DLG2: variants seen among roughly 807,000 people sequenced by gnomAD.
DLG2 encodes the protein disks large homolog 2.
In DLG2, 45 loss-of-function variants were observed where a neutral mutation model predicts 132.5. That is an observed-to-expected ratio of 0.34 (90% CI 0.27 to 0.44). The LOEUF is 0.44. Among genes scored for constraint, DLG2 ranks in the 20% least tolerant of loss-of-function variants. The probability of loss-of-function intolerance (pLI) is 1.00; values close to 1 mark genes in which losing one functional copy is unlikely to be tolerated. For missense variants in DLG2, 1,045 were observed against 1,196.9 expected (o/e 0.87, Z 1.87); for synonymous variants, 424 against 419.6 (o/e 1.01, Z -0.13).
At chr11:83,680,465 G>A (rs1008838688) in intron 18 of DLG2, among the ~76,000 whole-genome samples, 1 of 152,106 alleles carries the variant, frequency 6.6e-6, no homozygotes, top group African/African-American at 2.4e-5. Flanking sequence ...ATGTTCATTT[G>A]TATCTGTGAT....
rs1597682354 is a variant in DLG2, at chr11:84,769,570, G to T, written c.358-234839C>A. ...AAACATATTTCAGGAAATAATTCAA[G>T]AAAATTTCACTGATCTTGCTAGAGA... On this transcript the variant is annotated intron_variant, in intron 6 of 27. Coordinates refer to ENST00000376104, the MANE Select transcript of DLG2 (RefSeq NM_001142699.3). Among the ~76,000 whole-genome samples the T allele has an allele frequency of 2.0e-5, 3 of 152,244 alleles. No individual in the cohort carries two copies. In the East Asian group the frequency reaches 5.8e-4, roughly 29 times the overall value.
At chr11:84,000,178 C>T (rs1185657839) in intron 11 of DLG2, among the ~76,000 whole-genome samples, 1 of 151,920 alleles carries the variant, frequency 6.6e-6, no homozygotes, top group African/African-American at 2.4e-5. Flanking sequence ...AGATATCATA[C>T]AAAAGAACCA....
intron 6 of DLG2, among the ~76,000 whole-genome samples, chr11:84,872,728 A>G (rs1024267053): frequency 6.6e-6 from 1 of 152,242 alleles, no homozygotes; most frequent in Non-Finnish European, 1.5e-5. Flanking sequence ...TCACATTTTT[A>G]AACAGTCTTA....
intron 3 of DLG2, among the ~76,000 whole-genome samples, chr11:85,402,370 C>A (rs989962310): frequency 2.6e-5 from 4 of 152,162 alleles, no homozygotes; most frequent in African/African-American, 7.2e-5. Flanking sequence ...AAATGTAAGA[C>A]CTAACACCAT....
intron 21 of DLG2, among the ~76,000 whole-genome samples, chr11:83,503,281 C>T (rs2139251669): frequency 6.7e-6 from 1 of 148,988 alleles, no homozygotes; most frequent in Admixed American, 6.8e-5. Flanking sequence ...TTAAGCAGAG[C>T]TCTTGACTGT....
At chr11:85,009,486 T>C (rs1592624523) in intron 6 of DLG2, among the ~76,000 whole-genome samples, 1 of 152,232 alleles carries the variant, frequency 6.6e-6, no homozygotes, top group Admixed American at 6.5e-5. Flanking sequence ...CTTTAGGTAT[T>C]GTAGGCCAAG....
At chr11:84,689,511 G>C (rs1207361037) in intron 6 of DLG2, among the ~76,000 whole-genome samples, 2 of 151,340 alleles carry the variant, frequency 1.3e-5, no homozygotes, top group African/African-American at 4.9e-5. Flanking sequence ...TGAAAGATAA[G>C]AATGAATAAA....
At chr11:84,678,432 G>C (rs909558213) in intron 6 of DLG2, among the ~76,000 whole-genome samples, 2 of 152,060 alleles carry the variant, frequency 1.3e-5, no homozygotes, top group East Asian at 1.9e-4. Flanking sequence ...GTAGTATATG[G>C]AGGTGAATAA....
intron 6 of DLG2, among the ~76,000 whole-genome samples, chr11:84,832,489 T>C (rs1472957901): frequency 2.0e-5 from 3 of 151,532 alleles, no homozygotes; most frequent in Non-Finnish European, 4.4e-5. Flanking sequence ...CAGAGACAAC[T>C]CCAGAGACAA....
intron 19 of DLG2, among the ~76,000 whole-genome samples, chr11:83,621,610 A>T (rs1169155856): frequency 6.6e-6 from 1 of 152,078 alleles, no homozygotes; most frequent in Non-Finnish European, 1.5e-5. Flanking sequence ...TTTCTCAAGC[A>T]GGAAGATGGC....
chr11:83,868,858 C>A (rs2062897446), intron 16 of DLG2, among the ~76,000 whole-genome samples: 4 of 152,140 alleles, frequency 2.6e-5, no homozygotes, highest in African/African-American at 9.7e-5. Context: ...GGAAGTTGAG[C>A]ATTCACACTG....
intron 5 of DLG2, among the ~76,000 whole-genome samples, chr11:85,129,000 T>G (rs2075428400): frequency 6.6e-6 from 1 of 152,184 alleles, no homozygotes; most frequent in South Asian, 2.1e-4. Context: ...GAAATCAGTG[T>G]TTGAGGAAGT....
intron 6 of DLG2, among the ~76,000 whole-genome samples, chr11:84,637,323 C>G (rs1355696515): frequency 6.6e-6 from 1 of 152,176 alleles, no homozygotes; most frequent in Admixed American, 6.5e-5. Context: ...ACCCACCACA[C>G]GATGTGTATC....
rs59755957 is a variant in DLG2 at position 83,844,547 on chromosome 11, C to CAAAAAAAAAAA, written c.1566-10788_1566-10778dup. ...TAGGCAACAGAGTGAGAGTCTGTAT[C>CAAAAAAAAAAA]AAAAAAAAAAAAAAAAAAAAAAAGG... On this transcript the variant is annotated intron_variant, in intron 16 of 27. Transcript: ENST00000376104. Among the ~76,000 whole-genome samples, 3 of 70,646 alleles carry CAAAAAAAAAAA rather than the reference C, an allele frequency of 4.2e-5. 1 individual carries two copies. The highest frequency in any genetic ancestry group is 7.5e-5 in the Non-Finnish European group (3 of 39,780). 46.3% of individuals were successfully genotyped at this position (70,646 alleles called of 152,430 possible).
chr11:84,548,931 A>AT (rs1392422173), intron 6 of DLG2, among the ~76,000 whole-genome samples: 28 of 152,170 alleles, frequency 1.8e-4, no homozygotes, highest in Admixed American at 1.8e-3. Context: ...TATTACTTTC[A>AT]TTTTTTGGAG....
At chr11:85,113,911 A>T (rs1203124020) in intron 5 of DLG2, among the ~76,000 whole-genome samples, 2 of 151,968 alleles carry the variant, frequency 1.3e-5, no homozygotes, top group Non-Finnish European at 1.5e-5. Context: ...GACATCTTTT[A>T]GGGTCTTGGG....
intron 7 of DLG2, among the ~76,000 whole-genome samples, chr11:84,400,951 T>TTCC (rs987329219): frequency 4.6e-5 from 7 of 151,678 alleles, no homozygotes; most frequent in East Asian, 1.9e-4. Flanking sequence ...CATCACCAAC[T>TTCC]TCCTCCTCCT....
At chr11:84,029,241 C>T (rs1282844232) in intron 11 of DLG2, among the ~76,000 whole-genome samples, 2 of 151,998 alleles carry the variant, frequency 1.3e-5, no homozygotes, top group Non-Finnish European at 2.9e-5. Context: ...AAAACACTGA[C>T]CACCAATAAA....
intron 8 of DLG2, among the ~76,000 whole-genome samples, chr11:84,202,062 C>T (rs2096603218): frequency 6.6e-6 from 1 of 151,884 alleles, no homozygotes; most frequent in African/African-American, 2.4e-5. Context: ...CATGATCCTC[C>T]TGCCTTGGCC....
Sources: gnomAD v4.1 joint callset for allele counts (sites outside exome capture counted in the v4.1 genomes callset) on GRCh38, gnomAD v4.1.1 for gene constraint, MANE v1.5 for transcripts, NCBI Gene and HGNC (gene_info 2026-07-23, HGNC 2026-07-21) for gene names.